The following ENPEP variants were observed in gnomAD, a reference collection of about 807,000 sequenced individuals.
ENPEP encodes AP-A.
A neutral mutation model predicts 114.5 loss-of-function variants in ENPEP; 103 were observed. That is an observed-to-expected ratio of 0.90 (90% CI 0.77 to 1.06). The LOEUF (loss-of-function observed/expected upper bound fraction) is 1.06. ENPEP is among the 50% of genes least tolerant of loss of function. The probability of loss-of-function intolerance (pLI) is 0.00; values close to 1 mark genes in which losing one functional copy is unlikely to be tolerated. For synonymous variants in ENPEP, 420 were observed against 422.0 expected (o/e 1.00, Z 0.06); for missense variants, 1,196 against 1,161.3 (o/e 1.03, Z -0.43).
chr4:110,549,303 T>C lies in ENPEP; in HGVS notation c.2152-43T>C, dbSNP rs770336461. The C allele has an allele frequency of 1.4e-5, 20 of 1,403,428 alleles. No individual in the cohort carries two copies. In the African/African-American group the frequency reaches 2.4e-4, roughly 17 times the overall value. The allele number at this position is 1,403,428 out of a possible 1,614,324, so 86.9% of individuals were successfully genotyped here. ...TATAATAATTGGGATACTACTGATA[T>C]GTAGTAAATTGTTACTTATTGTACA... On this transcript the variant is annotated intron_variant, in intron 14 of 19. Transcript: ENST00000265162.
At chr4:110,545,017 G>A (rs981864556) in intron 13 of ENPEP, among the ~76,000 whole-genome samples, 2 of 152,060 alleles carry the variant, frequency 1.3e-5, no homozygotes, top group African/African-American at 2.4e-5. Flanking sequence ...AATGGGACTC[G>A]GAGAGAAACA....
chr4:110,478,364 G>A (rs868594867), intron 1 of ENPEP, among the ~76,000 whole-genome samples: 6 of 152,074 alleles, frequency 3.9e-5, no homozygotes, highest in Non-Finnish European at 8.8e-5. Context: ...TACCATTTAC[G>A]TATTTTTTCT....
At chr4:110,494,725 G>A (rs1200705699) in intron 3 of ENPEP, among the ~76,000 whole-genome samples, 1 of 152,178 alleles carries the variant, frequency 6.6e-6, no homozygotes, top group Non-Finnish European at 1.5e-5. Flanking sequence ...TAGCTCAGAA[G>A]TCTTTTCACT....
intron 10 of ENPEP, among the ~76,000 whole-genome samples, chr4:110,530,888 A>G (rs940617901): frequency 1.3e-5 from 2 of 152,208 alleles, no homozygotes; most frequent in Admixed American, 1.3e-4. Flanking sequence ...AATAAGATGT[A>G]TTATATTTGT....
rs747897294 is a variant in ENPEP at position 110,513,397 on chromosome 4, C to T, written c.1309-18C>T. 7 of 1,608,378 alleles carry T rather than the reference C, an allele frequency of 4.4e-6. No homozygotes were observed. In the East Asian group the frequency reaches 1.6e-4, roughly 36 times the overall value. ...TAAAGGAAATACTATATTCCTTTGGCTCATTCTTTCATTTCAGCGTGACCA... is the reference window on the plus strand; with the variant it reads ...TAAAGGAAATACTATATTCCTTTGGTTCATTCTTTCATTTCAGCGTGACCA... On this transcript the variant is annotated intron_variant, in intron 6 of 19. Coordinates refer to ENST00000265162, the MANE Select transcript of ENPEP (RefSeq NM_001977.4).
intron 13 of ENPEP, among the ~76,000 whole-genome samples, chr4:110,544,967 C>G (rs1264524184): frequency 6.6e-6 from 1 of 152,082 alleles, no homozygotes; most frequent in African/African-American, 2.4e-5. Flanking sequence ...AATACCTGTG[C>G]TATCACCTGG....
chr4:110,500,162 T>A (rs943821295), intron 3 of ENPEP: 2 of 152,128 alleles, frequency 1.3e-5, no homozygotes, highest in African/African-American at 4.8e-5. Context: ...AAGGAAGTAA[T>A]GGTAATCAAC....
intron 10 of ENPEP, among the ~76,000 whole-genome samples, chr4:110,525,517 C>G (rs1375102418): frequency 1.3e-5 from 2 of 152,206 alleles, no homozygotes; most frequent in African/African-American, 4.8e-5. Flanking sequence ...TCTCCACTGC[C>G]TGATTGTCAC....
chr4:110,490,864 T>C (rs1724681465), intron 2 of ENPEP, among the ~76,000 whole-genome samples, 169 bp from the exon 3 acceptor site: 1 of 152,218 alleles, frequency 6.6e-6, no homozygotes, highest in Non-Finnish European at 1.5e-5. Flanking sequence ...AAAAACAAAG[T>C]AAATTTTCCT....
At chr4:110,484,928 C>CGCAG (rs979586346) in intron 1 of ENPEP, among the ~76,000 whole-genome samples, 10 of 151,792 alleles carry the variant, frequency 6.6e-5, no homozygotes, top group Non-Finnish European at 1.0e-4. Flanking sequence ...CATGCACGCA[C>CGCAG]GCACACTCAC....
chr4:110,493,390 A>T (rs1226212671), intron 3 of ENPEP, among the ~76,000 whole-genome samples: 1 of 152,242 alleles, frequency 6.6e-6, no homozygotes, highest in Non-Finnish European at 1.5e-5. Flanking sequence ...GGAAACAAAC[A>T]TAATATTGTT....
intron 13 of ENPEP, 120 bp downstream of exon 13, chr4:110,543,190 A>C (rs1172315905): frequency 2.1e-6 from 2 of 932,734 alleles, no homozygotes; most frequent in Non-Finnish European, 3.3e-6. Context: ...CAAAGCCACT[A>C]TTTAAAACAT....
In ENPEP at chr4:110,558,032, A is replaced by ATTTTTTTTTTTTTTT. The variant is rs201439917; in HGVS notation, c.2643-1614_2643-1600dup. Among the ~76,000 whole-genome samples, 21 of 103,202 alleles carry ATTTTTTTTTTTTTTT rather than the reference A, an allele frequency of 2.0e-4. 1 individual carries two copies. Among genetic ancestry groups the ATTTTTTTTTTTTTTT allele is most frequent in the African/African-American group, 8.6e-4 (20 of 23,218 alleles). 67.7% of individuals were successfully genotyped at this position (103,202 alleles called of 152,430 possible). ...GGCTTCTAATTTTGTATATGGTAGG[A>ATTTTTTTTTTTTTTT]TTTTTTTTTTTTTTTGTATAAAACT... On this transcript the variant is annotated intron_variant, in intron 18 of 19. Transcript: ENST00000265162.
intron 18 of ENPEP, among the ~76,000 whole-genome samples, chr4:110,558,677 AGGTTTAT>A (rs1727576659): frequency 1.3e-5 from 2 of 152,132 alleles, no homozygotes; most frequent in Non-Finnish European, 2.9e-5. Flanking sequence ...CAGGGGTTTA[AGGTTTAT>A]ATATAATTTT....
At position 110,559,824 on chromosome 4, in the gene ENPEP, G is replaced by A. The variant is rs866725409; in HGVS notation, c.2721+99G>A. Reference sequence around the variant, plus strand: ...AAGTTCTGGAATACATGTGCAGAATGTGCAGGTTTGTTACGTAGGTATACA... The same window carrying A: ...AAGTTCTGGAATACATGTGCAGAATATGCAGGTTTGTTACGTAGGTATACA... On this transcript the variant is annotated intron_variant, in intron 19 of 19. Transcript: ENST00000265162. 1.1e-4 allele frequency: 104 copies of A among 934,000 alleles called. 1 individual carries two copies. In the Middle Eastern group the frequency reaches 1.5e-3, roughly 14 times the overall value. The allele number at this position is 934,000 out of a possible 1,614,324, so 57.9% of individuals were successfully genotyped here. A position where few individuals can be genotyped will look rare whatever the true frequency, so the allele number is the denominator to read the frequency against.
intron 2 of ENPEP, 49 bp downstream of exon 2, chr4:110,488,731 A>G (rs1205439172): frequency 6.4e-7 from 1 of 1,558,004 alleles, no homozygotes; most frequent in East Asian, 2.3e-5. Context: ...TGTTGACAAC[A>G]TTAGGCCAGT....
At position 110,476,748 on chromosome 4, in the gene ENPEP, G is replaced by A. The variant is rs1724120849; in HGVS notation, c.334G>A (p.Glu112Lys). ...CCTGCACGTGAAGCCCCTGTTGGAG[G>A]AGGACACCTACACGGGCACCGTGAG... ...YDLHVKPLLE[E>K]DTYTGTVSIS... The change falls in exon 1 of 20, where the codon GAG becomes AAG. Residue 112 changes from glutamate (E) to lysine (K), a missense_variant. Glu to Lys is a moderately conservative substitution (Grantham distance 56). Coordinates refer to ENST00000265162, the MANE Select transcript of ENPEP (RefSeq NM_001977.4). The A allele has an allele frequency of 1.2e-6, 2 of 1,614,168 alleles. No individual in the cohort carries two copies. Among genetic ancestry groups the A allele is most frequent in the Middle Eastern group, 1.7e-4 (1 of 6,018 alleles).
rs747230324 is a variant in ENPEP at position 110,548,168 on chromosome 4, T to G, written c.2001-8T>G. The G allele has an allele frequency of 1.5e-6, 2 of 1,344,402 alleles. No homozygotes were observed. Among genetic ancestry groups the G allele is most frequent in the Non-Finnish European group, 1.9e-6 (2 of 1,033,608 alleles). The allele number at this position is 1,344,402 out of a possible 1,614,324, so 83.3% of individuals were successfully genotyped here. On this transcript the variant is annotated splice_polypyrimidine_tract_variant and splice_region_variant and intron_variant, in intron 13 of 19. Transcript: ENST00000265162. The stretch of plus-strand genomic sequence containing the variant: ...TTTTTTTTTTTTTTTTTTTTTTGTC[T>G]TTCTCAGAGCTCAACTTCTAGATTA...
intron 11 of ENPEP, among the ~76,000 whole-genome samples, chr4:110,539,672 G>A (rs1301398331): frequency 6.6e-6 from 1 of 152,078 alleles, no homozygotes; most frequent in Non-Finnish European, 1.5e-5. Context: ...TTACAAGTGT[G>A]AGTCACCGTG....
Sources: allele counts gnomAD v4.1 joint callset (sites outside exome capture counted in the v4.1 genomes callset), GRCh38; gene constraint gnomAD v4.1.1; transcripts MANE v1.5; gene names NCBI Gene and HGNC (gene_info 2026-07-23, HGNC 2026-07-21).